CD163: variants seen among roughly 807,000 people sequenced by gnomAD.
CD163 encodes the protein scavenger receptor cysteine-rich type 1 protein M130.
A neutral mutation model predicts 129.2 loss-of-function variants in CD163; 64 were observed. The observed-to-expected ratio is 0.50, with a 90% CI of 0.41 to 0.61. CD163 has a LOEUF of 0.61. Among genes scored for constraint, CD163 ranks in the 20% least tolerant of loss-of-function variants. The pLI is 0.00. For synonymous variants in CD163, 446 were observed against 478.5 expected, an observed-to-expected ratio of 0.93 and a Z score of 0.89; for missense variants, 1,061 against 1,377.9, an observed-to-expected ratio of 0.77 and a Z score of 3.64.
At position 7,502,537 on chromosome 12, in the gene CD163, C is replaced by T. The variant is rs777009970; in HGVS notation, c.74G>A (p.Ser25Asn). 1.5e-4 allele frequency: 247 copies of T among 1,595,556 alleles called. No individual in the cohort carries two copies. The Admixed American group carries it at 4.1e-3, about 27-fold the overall frequency. ...TAAGACCACAGTAATGGTGAAGGGACTCAAGTTGACAAAATGTCTTCTGAA... is the reference window on the plus strand; with the variant it reads ...TAAGACCACAGTAATGGTGAAGGGATTCAAGTTGACAAAATGTCTTCTGAA... Reference protein sequence around the residue: ...ADFRRHFVNLSPFTITVVLLL... With the variant: ...ADFRRHFVNLNPFTITVVLLL... Residue 25 changes from serine (S) to asparagine (N), a missense_variant, in exon 2 of 17, where the codon AGT (serine) becomes AAT (asparagine). By Grantham distance (46) the Ser-to-Asn change is conservative. Transcript: ENST00000432237.
chr12:7,501,085 AT>A lies in CD163; in HGVS notation c.457+53del, dbSNP rs764065359. On this transcript the variant is annotated intron_variant, in intron 3 of 16. Coordinates refer to ENST00000432237, the MANE Select transcript of CD163 (RefSeq NM_203416.4). ...ATTCTAGGTTTTAACCCATCTACAT[AT>A]TTTTTTCCCACCAAGGATTTTGTGT... 1,194 of 1,513,096 alleles carry A rather than the reference AT, an allele frequency of 7.9e-4. 7 individuals carry two copies. In the African/African-American group the frequency reaches 0.015, roughly 18 times the overall value. The allele number at this position is 1,513,096 out of a possible 1,614,324, so 93.7% of individuals were successfully genotyped here.
intron 16 of CD163, among the ~76,000 whole-genome samples, chr12:7,472,844 T>C (rs1411253354): frequency 2.0e-5 from 3 of 152,170 alleles, no homozygotes. Context: ...TTACAGGAAC[T>C]GCTAACTAGA....
At chr12:7,494,645 C>T (rs923600134) in intron 6 of CD163, among the ~76,000 whole-genome samples, 1 of 152,134 alleles carries the variant, frequency 6.6e-6, no homozygotes, top group East Asian at 1.9e-4. Flanking sequence ...CAGTTTACAA[C>T]TCATTTTTGA....
chr12:7,475,097 CAAA>C (rs58901449), intron 16 of CD163, among the ~76,000 whole-genome samples: 9,754 of 93,880 alleles, frequency 0.1, 399 homozygotes, highest in East Asian at 0.22. Flanking sequence ...GCCTACCAAC[CAAA>C]AAAAAAAAAA....
intron 6 of CD163, among the ~76,000 whole-genome samples, chr12:7,491,338 A>G (rs111366435): frequency 1.2e-4 from 18 of 152,200 alleles, no homozygotes; most frequent in African/African-American, 4.3e-4. Context: ...TGCTAGTAAC[A>G]TGTTAATCTA....
chr12:7,488,199 G>T, intron 6 of CD163, 112 bp from the exon 7 acceptor site: 1 of 1,116,924 alleles, frequency 9.0e-7, no homozygotes, highest in Non-Finnish European at 1.3e-6. Flanking sequence ...GGTGCTCAGT[G>T]ATTTCCTACA....
rs115272025 is a variant in CD163 at position 7,473,920 on chromosome 12, G to C, written c.*32-2523C>G. ...GGAAAACAAAAAAAAGAAAACAGGG[G>C]TTGCAATTCTAGTCTATGATAAAAT... On this transcript the variant is annotated intron_variant, in intron 16 of 16. Transcript: ENST00000432237. Among the ~76,000 whole-genome samples, 937 of 152,052 alleles carry C rather than the reference G, an allele frequency of 6.2e-3. 12 individuals are homozygous for C. The highest frequency in any genetic ancestry group is 0.02 in the African/African-American group (841 of 41,466).
chr12:7,482,835 T>C, intron 13 of CD163, 73 bp from the exon 14 acceptor site: 1 of 1,589,784 alleles, frequency 6.3e-7, no homozygotes, highest in Non-Finnish European at 8.6e-7. Context: ...TTACTGATTC[T>C]CTCTTAGGTC....
Position 7,487,647 on chromosome 12 carries a change from C to T in CD163, c.1762G>A (p.Gly588Ser). 6.2e-7 allele frequency: 1 copy of T among 1,614,172 alleles called. No homozygotes were observed. Among genetic ancestry groups the T allele is most frequent in the South Asian group, 1.1e-5 (1 of 91,078 alleles). Residue 588 changes from glycine (G) to serine (S), a missense_variant, in exon 8 of 17, where the codon GGC becomes AGC. Gly to Ser is a moderately conservative substitution (Grantham distance 56). Coordinates refer to ENST00000432237, the MANE Select transcript of CD163 (RefSeq NM_203416.4). The surrounding 1 kb of genome is among the most constrained non-coding windows in gnomAD (Gnocchi z 5.1). ...SRYTEIRLVN[G>S]KTPCEGRVEL... ...ACTCTGCCCTCACACGGGGTCTTGCCATTCACCAAGCGAATTTCTGTGTAT... is the reference window on the plus strand; with the variant it reads ...ACTCTGCCCTCACACGGGGTCTTGCTATTCACCAAGCGAATTTCTGTGTAT...
intron 6 of CD163, among the ~76,000 whole-genome samples, chr12:7,488,558 T>A (rs926630141): frequency 6.6e-6 from 1 of 152,190 alleles, no homozygotes; most frequent in African/African-American, 2.4e-5. Flanking sequence ...CCTTTTGACG[T>A]CTGTTACGTT....
chr12:7,491,627 T>C (rs773207281), intron 6 of CD163, among the ~76,000 whole-genome samples: 1 of 152,074 alleles, frequency 6.6e-6, no homozygotes, highest in Non-Finnish European at 1.5e-5. Flanking sequence ...CTAGAATTAC[T>C]TCCTTTTGTT....
chr12:7,495,504 T>C (rs1949388667), intron 5 of CD163, 103 bp from the exon 6 acceptor site: 3 of 960,384 alleles, frequency 3.1e-6, no homozygotes, highest in East Asian at 2.5e-5. Context: ...GCATTGAAAA[T>C]TATAGGTAAC....
chr12:7,471,234 G>A lies in CD163; in HGVS notation c.*195C>T, dbSNP rs1948998992. 1 of 152,212 alleles carries A rather than the reference G, an allele frequency of 6.6e-6. No individual in the cohort carries two copies. Among genetic ancestry groups the A allele is most frequent in the Admixed American group, 6.6e-5 (1 of 15,242 alleles). 9.4% of individuals were successfully genotyped at this position (152,212 alleles called of 1,614,324 possible). On this transcript the variant is annotated 3_prime_UTR_variant, in exon 17 of 17. Transcript: ENST00000432237. The stretch of plus-strand genomic sequence containing the variant: ...TTGAAAGTCTCATATACACCACTAA[G>A]TAGTCACATTCACAAACTTAATTTT...
intron 6 of CD163, 126 bp from the exon 7 acceptor site, chr12:7,488,213 G>T: frequency 9.8e-7 from 1 of 1,016,086 alleles, no homozygotes; most frequent in Non-Finnish European, 1.4e-6. Flanking sequence ...TCCTACACTT[G>T]TTTGTCTTGG....
intron 16 of CD163, among the ~76,000 whole-genome samples, chr12:7,478,356 G>A (rs75399554): frequency 3.3e-5 from 5 of 151,942 alleles, no homozygotes; most frequent in African/African-American, 7.3e-5. Context: ...CTGTATTCCC[G>A]CCAGTAATAA....
intron 6 of CD163, among the ~76,000 whole-genome samples, chr12:7,494,674 A>C (rs139919049): frequency 8.5e-5 from 13 of 152,340 alleles, no homozygotes; most frequent in Admixed American, 8.5e-4. Flanking sequence ...AAGAGGTTGC[A>C]GTGAAATATT....
At chr12:7,502,340 T>C (rs1436918382) in intron 2 of CD163, 138 bp downstream of exon 2, 2 of 717,630 alleles carry the variant, frequency 2.8e-6, no homozygotes, top group African/African-American at 3.6e-5. Context: ...GTGCTTTTAA[T>C]AATATCTGAT....
chr12:7,485,405 G>A lies in CD163; in HGVS notation c.2470C>T (p.Leu824=). 6.2e-7 allele frequency: 1 copy of A among 1,612,696 alleles called. No individual in the cohort carries two copies. The highest frequency in any genetic ancestry group is 1.1e-5 in the South Asian group (1 of 91,006). Residue 824 remains leucine, a synonymous_variant, in exon 11 of 17, where the codon CTG becomes TTG. Coordinates refer to ENST00000432237, the MANE Select transcript of CD163 (RefSeq NM_203416.4). This position sits in a 1 kb window ranked among gnomAD's most constrained non-coding sequence, Gnocchi z 4.5. The part of the protein sequence containing the change: ...AGVICSEFMS[L]RLTSEASREA... ...CTGCTGGCTTCACTGGTCAGTCTCAGAGACATGAATTCTGCAGCGAAACAT... is the reference window on the plus strand; with the variant it reads ...CTGCTGGCTTCACTGGTCAGTCTCAAAGACATGAATTCTGCAGCGAAACAT...
intron 6 of CD163, among the ~76,000 whole-genome samples, chr12:7,489,339 CT>C (rs1310572343): frequency 1.3e-5 from 2 of 152,030 alleles, no homozygotes; most frequent in Non-Finnish European, 2.9e-5. Context: ...GCTTCAAAGT[CT>C]TTTTTCCAAG....
Sources: gnomAD v4.1 joint callset for allele counts (sites outside exome capture counted in the v4.1 genomes callset) on GRCh38, gnomAD v4.1.1 for gene constraint, Gnocchi (gnomAD v3.1) non-coding constraint, MANE v1.5 for transcripts, NCBI Gene and HGNC (gene_info 2026-07-23, HGNC 2026-07-21) for gene names.